The following USP50 variants were observed in gnomAD, a reference collection of about 807,000 sequenced individuals.
The protein encoded by USP50 is ubiquitin specific peptidase 50, also known as ubiquitin carboxyl-terminal hydrolase 50.
In USP50, 37 loss-of-function variants were observed where a neutral mutation model predicts 39.2. That is an observed-to-expected ratio of 0.94 (90% CI 0.73 to 1.24). The LOEUF (loss-of-function observed/expected upper bound fraction) is 1.24. USP50 is among the 50% of genes most tolerant of loss of function. The pLI is 0.00. For missense variants in USP50, 374 were observed against 398.2 expected, an observed-to-expected ratio of 0.94 and a Z score of 0.52; for synonymous variants, 139 against 144.5, an observed-to-expected ratio of 0.96 and a Z score of 0.27.
chr15:50,515,405 C>G (rs1366556100), intron 6 of USP50, among the ~76,000 whole-genome samples: 2 of 151,990 alleles, frequency 1.3e-5, no homozygotes, highest in Non-Finnish European at 2.9e-5. Flanking sequence ...CCACGCCCGG[C>G]TAATTTTTGT....
intron 6 of USP50, chr15:50,514,391 T>C (rs2052780735): frequency 6.6e-6 from 1 of 152,206 alleles, no homozygotes; most frequent in Admixed American, 6.5e-5. Context: ...TGTATATATG[T>C]TTCACTTCAA....
intron 6 of USP50, among the ~76,000 whole-genome samples, chr15:50,527,602 G>A (rs2052908672): frequency 6.6e-6 from 1 of 151,616 alleles, no homozygotes; most frequent in African/African-American, 2.4e-5. Flanking sequence ...TATTCCTACT[G>A]TCATGCATCA....
intron 5 of USP50, among the ~76,000 whole-genome samples, chr15:50,535,860 G>T (rs1347859497): frequency 2.0e-5 from 3 of 151,874 alleles, no homozygotes; most frequent in Non-Finnish European, 4.4e-5. Context: ...CACATAATTA[G>T]GTTAAAGGAA....
chr15:50,535,330 CTCTT>C (rs926456955), intron 5 of USP50, among the ~76,000 whole-genome samples: 5 of 152,190 alleles, frequency 3.3e-5, no homozygotes. Flanking sequence ...CATCTGTAGA[CTCTT>C]TCACCCAACA....
chr15:50,542,967 G>A (rs1389675664), intron 3 of USP50, among the ~76,000 whole-genome samples: 2 of 152,050 alleles, frequency 1.3e-5, no homozygotes, highest in Non-Finnish European at 2.9e-5. Flanking sequence ...AGAGAATGTG[G>A]GTCTCAGACC....
intron 5 of USP50, among the ~76,000 whole-genome samples, chr15:50,535,756 A>C (rs528495468): frequency 1.3e-5 from 2 of 152,282 alleles, no homozygotes; most frequent in Admixed American, 1.3e-4. Flanking sequence ...TCTACAAAAA[A>C]ATTTTAAAAA....
intron 6 of USP50, chr15:50,504,134 TAAC>T (rs748770870): frequency 6.6e-6 from 1 of 152,226 alleles, no homozygotes; most frequent in Non-Finnish European, 1.5e-5. Context: ...AAATACAGTG[TAAC>T]AACTATTTAC....
rs373152064 is a variant in USP50, at chr15:50,502,368, A to G, written c.937-1531T>C. 7 of 150,372 alleles carry G rather than the reference A, an allele frequency of 4.7e-5. 1 individual carries two copies. Among genetic ancestry groups the G allele is most frequent in the Non-Finnish European group, 1.5e-5 (1 of 67,810 alleles). The allele number at this position is 150,372 out of a possible 1,614,324, so 9.3% of individuals were successfully genotyped here. On this transcript the variant is annotated intron_variant, in intron 6 of 6. Transcript: ENST00000532404. ...GGGATCCTCCCACTTCGGCCTCCCA[A>G]AGTTATTTATTTTTATTTGAGACAG...
intron 6 of USP50, among the ~76,000 whole-genome samples, chr15:50,523,165 A>T (rs2052863496): frequency 7.5e-6 from 1 of 134,014 alleles, no homozygotes; most frequent in Admixed American, 8.5e-5. Flanking sequence ...CAACATATAA[A>T]AATCAGTAGC....
intron 6 of USP50, among the ~76,000 whole-genome samples, chr15:50,527,925 C>G (rs544380428): frequency 1.4e-4 from 22 of 152,222 alleles, no homozygotes; most frequent in Non-Finnish European, 2.8e-4. Context: ...ATGTGAGCCA[C>G]CATGCTCAAC....
At chr15:50,530,633 T>G (rs1380394604) in intron 5 of USP50, among the ~76,000 whole-genome samples, 1 of 151,912 alleles carries the variant, frequency 6.6e-6, no homozygotes, top group Non-Finnish European at 1.5e-5. Flanking sequence ...GATTATTTGG[T>G]ACAGACTTAT....
intron 1 of USP50, among the ~76,000 whole-genome samples, chr15:50,495,491 G>GC (rs897940986): frequency 6.7e-6 from 1 of 148,790 alleles, no homozygotes; most frequent in South Asian, 2.2e-4. Context: ...ATTGGAGGGG[G>GC]GGGTCTCACT....
intron 6 of USP50, among the ~76,000 whole-genome samples, chr15:50,526,250 G>A (rs920148687): frequency 1.3e-5 from 2 of 152,054 alleles, no homozygotes; most frequent in Admixed American, 1.3e-4. Flanking sequence ...TGTAGAGATG[G>A]GGATTCGCCA....
At chr15:50,543,418 G>A (rs987540008) in intron 3 of USP50, among the ~76,000 whole-genome samples, 180 bp downstream of exon 3, 3 of 152,322 alleles carry the variant, frequency 2.0e-5, no homozygotes, top group African/African-American at 4.8e-5. Context: ...CTGATGACAA[G>A]TAAGTTTGGT....
At chr15:50,538,910 T>C (rs1418398368) in intron 4 of USP50, 59 bp from the exon 5 acceptor site, 2 of 1,525,336 alleles carry the variant, frequency 1.3e-6, no homozygotes, top group Non-Finnish European at 1.8e-6. Flanking sequence ...CTGCACTCTC[T>C]GTTTCTATTG....
chr15:50,523,410 C>G (rs929074121), intron 6 of USP50, among the ~76,000 whole-genome samples: 1 of 151,426 alleles, frequency 6.6e-6, no homozygotes, highest in African/African-American at 2.4e-5. Flanking sequence ...CGGACTCAAG[C>G]AATCCTCCCA....
At chr15:50,495,019 A>T (rs2052321675) in intron 1 of USP50, among the ~76,000 whole-genome samples, 1 of 135,796 alleles carries the variant, frequency 7.4e-6, no homozygotes, top group African/African-American at 2.6e-5. Flanking sequence ...ACTCTTTCTA[A>T]AAAAAAAAAA....
chr15:50,501,950 TAC>T (rs989258269), intron 6 of USP50: 7 of 152,228 alleles, frequency 4.6e-5, no homozygotes, highest in Non-Finnish European at 8.8e-5. Flanking sequence ...CTCATTTGTT[TAC>T]ACTTTTCAGT....
At chr15:50,495,154 C>T (rs551376618) in intron 1 of USP50, among the ~76,000 whole-genome samples, 48 of 151,788 alleles carry the variant, frequency 3.2e-4, no homozygotes, top group African/African-American at 1.1e-3. Flanking sequence ...TTTTGTCTCA[C>T]ATATTTTGGG....
Sources: gnomAD v4.1 joint callset for allele counts (sites outside exome capture counted in the v4.1 genomes callset) on GRCh38, gnomAD v4.1.1 for gene constraint, MANE v1.5 for transcripts, NCBI Gene and HGNC (gene_info 2026-07-23, HGNC 2026-07-21) for gene names.